The following HIVEP2 variants were observed in gnomAD, a reference collection of about 807,000 sequenced individuals.
The protein encoded by HIVEP2 is transcription factor HIVEP2.
In HIVEP2, 14 loss-of-function variants were observed where a neutral mutation model predicts 180.7. That is an observed-to-expected ratio of 0.08 (90% CI 0.05 to 0.12). HIVEP2 has a LOEUF of 0.12. HIVEP2 is among the 10% of genes least tolerant of loss of function. HIVEP2 has a pLI of 1.00. For synonymous variants in HIVEP2, 1,184 were observed against 1,136.4 expected (o/e 1.04, Z -0.84); for missense variants, 2,579 against 3,008.5 (o/e 0.86, Z 3.34).
chr6:142,756,837 C>CTATT (rs1304262282), intron 9 of HIVEP2, among the ~76,000 whole-genome samples: 1 of 152,012 alleles, frequency 6.6e-6, no homozygotes, highest in African/African-American at 2.4e-5. Flanking sequence ...ATCTATCTAT[C>CTATT]TATCCGTCCA....
intron 6 of HIVEP2, 41 bp downstream of exon 6, chr6:142,768,341 C>G (rs371813468): frequency 2.5e-6 from 4 of 1,583,976 alleles, no homozygotes; most frequent in Non-Finnish European, 3.4e-6. Flanking sequence ...TTTACTCTGA[C>G]CTATAACTGC....
intron 1 of HIVEP2, among the ~76,000 whole-genome samples, chr6:142,874,462 C>T (rs1017209876): frequency 2.6e-5 from 4 of 151,936 alleles, no homozygotes; most frequent in South Asian, 2.1e-4. Flanking sequence ...TCAGTGTTTT[C>T]GGTAGACAGC....
At chr6:142,904,879 A>G (rs1475850227) in intron 1 of HIVEP2, among the ~76,000 whole-genome samples, 1 of 152,198 alleles carries the variant, frequency 6.6e-6, no homozygotes, top group African/African-American at 2.4e-5. Context: ...TCAGTTAAGT[A>G]ACCCTGGGTA....
intron 8 of HIVEP2, among the ~76,000 whole-genome samples, chr6:142,760,993 C>A (rs1353590432): frequency 6.6e-6 from 1 of 152,202 alleles, no homozygotes; most frequent in Non-Finnish European, 1.5e-5. Context: ...GAAAGAAAGG[C>A]AACAACCTGT....
chr6:142,877,937 ATT>A (rs896975806), intron 1 of HIVEP2, among the ~76,000 whole-genome samples: 2 of 152,124 alleles, frequency 1.3e-5, no homozygotes, highest in Non-Finnish European at 2.9e-5. Flanking sequence ...CAAAGGCAAA[ATT>A]TCCAAACAAG....
chr6:142,798,048 T>A (rs1278890513), intron 2 of HIVEP2, among the ~76,000 whole-genome samples: 3 of 152,016 alleles, frequency 2.0e-5, no homozygotes, highest in African/African-American at 4.8e-5. Context: ...GGGATTTTCA[T>A]CCTGAGAAGC....
At chr6:142,786,719 A>T (rs1776007970) in intron 2 of HIVEP2, among the ~76,000 whole-genome samples, 1 of 152,222 alleles carries the variant, frequency 6.6e-6, no homozygotes, top group South Asian at 2.1e-4. Context: ...ACATTTTAAA[A>T]ATACCCATTG....
At chr6:142,759,176 G>A (rs563216210) in intron 9 of HIVEP2, among the ~76,000 whole-genome samples, 16 of 152,066 alleles carry the variant, frequency 1.1e-4, no homozygotes, top group African/African-American at 2.4e-4. Flanking sequence ...GGTGATACAC[G>A]CCTGTAGTCC....
intron 2 of HIVEP2, among the ~76,000 whole-genome samples, chr6:142,800,011 T>G (rs913605029): frequency 6.6e-6 from 1 of 152,144 alleles, no homozygotes; most frequent in African/African-American, 2.4e-5. Flanking sequence ...AAAAACCTCA[T>G]TTTTTCCCAA....
At chr6:142,778,547 G>T (rs1231788372) in intron 3 of HIVEP2, among the ~76,000 whole-genome samples, 5 of 152,082 alleles carry the variant, frequency 3.3e-5, no homozygotes, top group African/African-American at 7.2e-5. Context: ...ATTGATCTAT[G>T]TATGCAGTTT....
intron 1 of HIVEP2, among the ~76,000 whole-genome samples, chr6:142,845,478 C>A (rs1260397991): frequency 6.6e-6 from 1 of 152,098 alleles, no homozygotes; most frequent in Non-Finnish European, 1.5e-5. Context: ...TAGGCGTAGT[C>A]CCATTTTTTT....
intron 1 of HIVEP2, among the ~76,000 whole-genome samples, chr6:142,934,429 G>C (rs1318074287): frequency 6.6e-6 from 1 of 152,174 alleles, no homozygotes; most frequent in Non-Finnish European, 1.5e-5. Flanking sequence ...GTTCTCTAGA[G>C]CTCCAGTGTA....
chr6:142,889,221 C>G (rs995955144), intron 1 of HIVEP2, among the ~76,000 whole-genome samples: 1 of 152,056 alleles, frequency 6.6e-6, no homozygotes, highest in Non-Finnish European at 1.5e-5. Flanking sequence ...ATCTGTAATT[C>G]CAGCATTTTG....
intron 1 of HIVEP2, among the ~76,000 whole-genome samples, chr6:142,872,430 A>G (rs1423139480): frequency 6.6e-6 from 1 of 152,184 alleles, no homozygotes; most frequent in Admixed American, 6.5e-5. Flanking sequence ...ACTAATCAAA[A>G]TGGACCGTGA....
chr6:142,803,983 A>T (rs1776481303), intron 2 of HIVEP2, among the ~76,000 whole-genome samples: 1 of 152,218 alleles, frequency 6.6e-6, no homozygotes, highest in East Asian at 1.9e-4. Context: ...AGCATGAATT[A>T]TCAAAAGCTG....
chr6:142,879,386 A>G (rs952374571), intron 1 of HIVEP2, among the ~76,000 whole-genome samples: 53 of 152,166 alleles, frequency 3.5e-4, no homozygotes, highest in African/African-American at 1.2e-3. Context: ...GAGGAAGAAC[A>G]TGGATGTTGA....
chr6:142,759,336 A>G (rs555078702), intron 9 of HIVEP2, among the ~76,000 whole-genome samples: 44 of 152,272 alleles, frequency 2.9e-4, no homozygotes, highest in Non-Finnish European at 2.9e-5. Context: ...TTTTAAAAAT[A>G]AAAGTTTTGG....
At chr6:142,818,792 AAAGAAAAG>A (rs1776943903) in intron 2 of HIVEP2, among the ~76,000 whole-genome samples, 1 of 135,612 alleles carries the variant, frequency 7.4e-6, no homozygotes, top group African/African-American at 2.8e-5. Flanking sequence ...AAAGAAAGAA[AAAGAAAAG>A]AAAAAGAAAA....
Position 142,887,795 on chromosome 6 carries a change from G to A in HIVEP2, c.-640-50748C>T, listed in dbSNP as rs140722983. ...CAATGAAGAAGTTAAACAAATCACC[G>A]TTTAAAATTTAAAAATGCAAAAATA... On this transcript the variant is annotated intron_variant, in intron 1 of 9. Transcript: ENST00000367603. Among the ~76,000 whole-genome samples, 597 of 152,058 alleles carry A rather than the reference G, an allele frequency of 3.9e-3. 3 individuals are homozygous for A. Among genetic ancestry groups the A allele is most frequent in the Non-Finnish European group, 7.3e-3 (494 of 67,998 alleles).
Sources: allele counts gnomAD v4.1 joint callset (sites outside exome capture counted in the v4.1 genomes callset), GRCh38; gene constraint gnomAD v4.1.1; transcripts MANE v1.5; gene names NCBI Gene and HGNC (gene_info 2026-07-23, HGNC 2026-07-21).